The following TMEM132C variants were observed in gnomAD, a reference collection of about 807,000 sequenced individuals.
TMEM132C encodes transmembrane protein 132C.
TMEM132C carries 29 observed loss-of-function variants against 61.4 expected under a neutral mutation model. The ratio of observed to expected loss-of-function variants is 0.47; its 90% CI spans 0.35 to 0.64. The LOEUF is 0.64. Among genes scored for constraint, TMEM132C ranks in the 30% least tolerant of loss-of-function variants. The probability of loss-of-function intolerance (pLI) is 0.00; values close to 1 mark genes in which losing one functional copy is unlikely to be tolerated. For synonymous variants in TMEM132C, 656 were observed against 633.1 expected (o/e 1.04, Z -0.54); for missense variants, 1,408 against 1,476.9 (o/e 0.95, Z 0.76).
intron 1 of TMEM132C, among the ~76,000 whole-genome samples, chr12:128,343,235 C>G (rs1873035944): frequency 6.6e-6 from 1 of 152,060 alleles, no homozygotes. Context: ...ACCATCCTGG[C>G]CAACATGGTG....
intron 2 of TMEM132C, among the ~76,000 whole-genome samples, chr12:128,523,854 TA>T (rs1178606544): frequency 2.8e-4 from 38 of 135,670 alleles, no homozygotes; most frequent in Middle Eastern, 7.4e-3. Context: ...CAAATAATAA[TA>T]AAAAAAAATT....
chr12:128,454,503 A>C (rs1247079812), intron 2 of TMEM132C, among the ~76,000 whole-genome samples: 1 of 152,230 alleles, frequency 6.6e-6, no homozygotes, highest in East Asian at 1.9e-4. Context: ...TAGAAGGTTA[A>C]AATGACCATT....
chr12:128,348,592 T>C (rs1017496227), intron 1 of TMEM132C, among the ~76,000 whole-genome samples: 1 of 152,226 alleles, frequency 6.6e-6, no homozygotes, highest in African/African-American at 2.4e-5. Flanking sequence ...TAAAAATGAC[T>C]GGCATTTCAG....
At chr12:128,703,572 A>C (rs538645490) in intron 8 of TMEM132C, among the ~76,000 whole-genome samples, 1 of 152,266 alleles carries the variant, frequency 6.6e-6, no homozygotes, top group East Asian at 1.9e-4. Context: ...TTTTTCCTAG[A>C]TGAATGGAGG....
intron 4 of TMEM132C, among the ~76,000 whole-genome samples, chr12:128,645,534 T>C (rs1430657485): frequency 6.6e-6 from 1 of 152,192 alleles, no homozygotes; most frequent in African/African-American, 2.4e-5. Context: ...CCTCACTTGA[T>C]GAAAGCTTTC....
intron 4 of TMEM132C, among the ~76,000 whole-genome samples, chr12:128,669,014 G>T (rs563809386): frequency 1.6e-4 from 25 of 152,308 alleles, no homozygotes; most frequent in African/African-American, 5.8e-4. Flanking sequence ...ATTAGAGCAT[G>T]GATATCTTTT....
intron 2 of TMEM132C, among the ~76,000 whole-genome samples, chr12:128,426,847 T>G (rs1270572453): frequency 6.6e-6 from 1 of 152,230 alleles, no homozygotes; most frequent in Admixed American, 6.5e-5. Context: ...AGAGGCTTTC[T>G]GACCCGAATT....
intron 1 of TMEM132C, 57 bp from the exon 2 acceptor site, chr12:128,414,675 C>A: frequency 2.1e-6 from 3 of 1,444,538 alleles, no homozygotes; most frequent in Non-Finnish European, 2.7e-6. Context: ...AGCTAATGAG[C>A]AGCCCATTAA....
chr12:128,388,217 G>A (rs1449215829), intron 1 of TMEM132C, among the ~76,000 whole-genome samples: 1 of 152,198 alleles, frequency 6.6e-6, no homozygotes, highest in Non-Finnish European at 1.5e-5. Flanking sequence ...AGAATACAGG[G>A]CCAGGCAGGG....
chr12:128,702,907 G>A (rs866301361), intron 8 of TMEM132C, among the ~76,000 whole-genome samples: 2 of 152,154 alleles, frequency 1.3e-5, no homozygotes, highest in Non-Finnish European at 2.9e-5. Context: ...GGAAGGCCAC[G>A]AGGTCAGACC....
intron 2 of TMEM132C, among the ~76,000 whole-genome samples, chr12:128,453,501 A>G (rs973017730): frequency 6.6e-6 from 1 of 152,154 alleles, no homozygotes; most frequent in Admixed American, 6.5e-5. Flanking sequence ...AGGAGAACAA[A>G]TGTAGACACT....
chr12:128,554,035 G>T (rs547616957), intron 3 of TMEM132C, among the ~76,000 whole-genome samples: 1 of 152,328 alleles, frequency 6.6e-6, no homozygotes, highest in East Asian at 1.9e-4. Context: ...ATCTAAAAAG[G>T]AAACACTTTC....
At chr12:128,383,677 A>G (rs913880173) in intron 1 of TMEM132C, among the ~76,000 whole-genome samples, 1 of 152,160 alleles carries the variant, frequency 6.6e-6, no homozygotes, top group African/African-American at 2.4e-5. Flanking sequence ...GCAGGGGACC[A>G]TCGGTGTTTC....
At chr12:128,607,030 T>G (rs2135577766) in intron 3 of TMEM132C, among the ~76,000 whole-genome samples, 1 of 151,780 alleles carries the variant, frequency 6.6e-6, no homozygotes, top group South Asian at 2.1e-4. Context: ...GGTCGGAGGG[T>G]GACGAGTGCT....
chr12:128,630,843 G>A lies in TMEM132C; in HGVS notation c.1305+14508G>A, dbSNP rs2135593885. Among the ~76,000 whole-genome samples the A allele has an allele frequency of 6.6e-6, 1 of 152,306 alleles. No homozygotes were observed. The highest frequency in any genetic ancestry group is 2.1e-4 in the South Asian group (1 of 4,824). On this transcript the variant is annotated intron_variant, in intron 4 of 8. Coordinates refer to ENST00000435159, the MANE Select transcript of TMEM132C (RefSeq NM_001136103.3). The surrounding 1 kb of genome is among the most constrained non-coding windows in gnomAD (Gnocchi z 4.3). ...AGGTCAGGAAATCGAGACCATCCTG[G>A]CCAACAGGGTGAAACCCATCTCTAC...
At chr12:128,645,517 C>T (rs1954189535) in intron 4 of TMEM132C, among the ~76,000 whole-genome samples, 1 of 152,168 alleles carries the variant, frequency 6.6e-6, no homozygotes, top group South Asian at 2.1e-4. Context: ...TGGTCACACC[C>T]CCAAATCCTC....
At chr12:128,640,169 A>G (rs557975144) in intron 4 of TMEM132C, among the ~76,000 whole-genome samples, 166 of 152,344 alleles carry the variant, frequency 1.1e-3, no homozygotes, top group African/African-American at 3.9e-3. Flanking sequence ...CTCTGTAAGC[A>G]TTTCAATTAA....
chr12:128,596,021 C>T (rs1018376248), intron 3 of TMEM132C, among the ~76,000 whole-genome samples: 2 of 152,258 alleles, frequency 1.3e-5, no homozygotes, highest in Non-Finnish European at 2.9e-5. Flanking sequence ...GCCCACTTCC[C>T]CATTCCTGAT....
intron 2 of TMEM132C, among the ~76,000 whole-genome samples, chr12:128,534,587 T>A (rs1001691878): frequency 6.6e-6 from 1 of 152,334 alleles, no homozygotes; most frequent in South Asian, 2.1e-4. Flanking sequence ...GGCCTCACAC[T>A]GCCACTGGCC....
Sources: gnomAD v4.1 joint callset for allele counts (sites outside exome capture counted in the v4.1 genomes callset) on GRCh38, gnomAD v4.1.1 for gene constraint, Gnocchi (gnomAD v3.1) non-coding constraint, MANE v1.5 for transcripts, NCBI Gene and HGNC (gene_info 2026-07-23, HGNC 2026-07-21) for gene names.